ELP3: variants seen among roughly 807,000 people sequenced by gnomAD.
The protein encoded by ELP3 is elongator acetyltransferase complex subunit 3.
In ELP3, 56 loss-of-function variants were observed where a neutral mutation model predicts 74.9. That is an observed-to-expected ratio of 0.75 (90% CI 0.60 to 0.93). The LOEUF (loss-of-function observed/expected upper bound fraction) is 0.93. Ranked by LOEUF, ELP3 falls within the 40% of genes least tolerant of loss-of-function variation. ELP3 has a pLI of 0.00. For synonymous variants in ELP3, 222 were observed against 239.8 expected, an observed-to-expected ratio of 0.93 and a Z score of 0.68; for missense variants, 573 against 686.5, an observed-to-expected ratio of 0.83 and a Z score of 1.85.
chr8:28,100,615 T>TA (rs1365952227), intron 3 of ELP3, among the ~76,000 whole-genome samples: 28 of 152,202 alleles, frequency 1.8e-4, no homozygotes, highest in Non-Finnish European at 3.4e-4. Context: ...GATCAGCTTG[T>TA]AAAAATCTTA....
chr8:28,119,538 A>T (rs1441173389), intron 7 of ELP3, among the ~76,000 whole-genome samples: 3 of 125,628 alleles, frequency 2.4e-5, no homozygotes, highest in African/African-American at 9.1e-5. Context: ...TTTTGAAGTA[A>T]ATTTACATAC....
chr8:28,106,867 G>A, intron 4 of ELP3, 84 bp downstream of exon 4: 3 of 979,872 alleles, frequency 3.1e-6, no homozygotes, highest in Non-Finnish European at 4.7e-6. Context: ...AGTACATCCT[G>A]GTAATGTTTA....
In ELP3 at chr8:28,171,810, G is replaced by A. The variant is rs181591320; in HGVS notation, c.1567+9732G>A. On this transcript the variant is annotated intron_variant, in intron 14 of 14. Transcript: ENST00000256398. Reference sequence around the variant, plus strand: ...TTATAGCTCTCAAATTTAGATCTTTGACCTATTTTGAGTTCATTTTTGTAT... The same window carrying A: ...TTATAGCTCTCAAATTTAGATCTTTAACCTATTTTGAGTTCATTTTTGTAT... 2.1e-4 allele frequency among the ~76,000 whole-genome samples: 32 copies of A among 152,040 alleles called. 1 individual carries two copies. The East Asian group carries it at 5.2e-3, about 25-fold the overall frequency.
intron 7 of ELP3, among the ~76,000 whole-genome samples, chr8:28,115,198 G>A (rs1812076597): frequency 6.6e-6 from 1 of 152,122 alleles, no homozygotes; most frequent in South Asian, 2.1e-4. Context: ...TTCAAGTGGA[G>A]ATGTCGGTGG....
intron 10 of ELP3, among the ~76,000 whole-genome samples, chr8:28,146,555 C>T (rs1027730162): frequency 3.3e-5 from 5 of 152,192 alleles, no homozygotes; most frequent in Admixed American, 1.3e-4. Context: ...AATGGAGAAA[C>T]GTAAAAATAA....
At chr8:28,091,061 C>T (rs765695254), upstream of ELP3, among the ~76,000 whole-genome samples, 17 of 151,974 alleles carry the variant, frequency 1.1e-4, no homozygotes, top group Non-Finnish European at 1.9e-4. Context: ...GGCCCACCAC[C>T]ACGCCCGGCT....
At chr8:28,161,905 C>T in intron 13 of ELP3, 92 bp from the exon 14 acceptor site, 1 of 1,260,734 alleles carries the variant, frequency 7.9e-7, no homozygotes, top group South Asian at 1.3e-5. Flanking sequence ...ATTTTAGCAA[C>T]TACTAAAGTA....
chr8:28,100,920 TC>T (rs1811455393), intron 3 of ELP3, among the ~76,000 whole-genome samples: 1 of 152,186 alleles, frequency 6.6e-6, no homozygotes, highest in African/African-American at 2.4e-5. Flanking sequence ...CCTAATGTGA[TC>T]CCACAAGTTC....
intron 3 of ELP3, among the ~76,000 whole-genome samples, chr8:28,104,540 G>A (rs753787140): frequency 6.6e-6 from 1 of 152,186 alleles, no homozygotes; most frequent in Non-Finnish European, 1.5e-5. Flanking sequence ...TCTTTAGTCT[G>A]GACATTTCCT....
rs550126557 is a variant in ELP3, at chr8:28,169,226, G to A, written c.1567+7148G>A. On this transcript the variant is annotated intron_variant, in intron 14 of 14. Coordinates refer to ENST00000256398, the MANE Select transcript of ELP3 (RefSeq NM_018091.6). ...CCACATGCCCCAGATCTCTACCTGC[G>A]TGATCTGTTGCCTCACTGCAAATCC... is the stretch of plus-strand genomic sequence containing the variant. Among the ~76,000 whole-genome samples, 5 of 152,276 alleles carry A rather than the reference G, an allele frequency of 3.3e-5. No individual in the cohort carries two copies. The South Asian group carries it at 1.0e-3, about 32-fold the overall frequency.
chr8:28,113,307 G>C (rs1318178720), intron 7 of ELP3, 134 bp downstream of exon 7: 7 of 602,696 alleles, frequency 1.2e-5, no homozygotes, highest in Admixed American at 7.7e-5. Context: ...CATGGGAAAG[G>C]ATTATTTCAG....
At chr8:28,169,330 A>G (rs1467567067) in intron 14 of ELP3, among the ~76,000 whole-genome samples, 1 of 152,164 alleles carries the variant, frequency 6.6e-6, no homozygotes, top group East Asian at 1.9e-4. Context: ...CAACCCTCTT[A>G]TTTCCTTAAT....
intron 8 of ELP3, among the ~76,000 whole-genome samples, 155 bp downstream of exon 8, chr8:28,129,818 A>C (rs551449190): frequency 4.6e-5 from 7 of 152,080 alleles, no homozygotes; most frequent in Admixed American, 3.9e-4. Flanking sequence ...TGTGTTCTTA[A>C]TTCCATCCCC....
chr8:28,169,198 A>G (rs1814424145), intron 14 of ELP3, among the ~76,000 whole-genome samples: 1 of 152,218 alleles, frequency 6.6e-6, no homozygotes, highest in African/African-American at 2.4e-5. Context: ...TCAGTAAAGC[A>G]GTCCACATGC....
Position 28,166,023 on chromosome 8 carries a change from G to A in ELP3, c.1567+3945G>A, listed in dbSNP as rs1814293132. Among the ~76,000 whole-genome samples, 7 of 152,154 alleles carry A rather than the reference G, an allele frequency of 4.6e-5. No homozygotes were observed. In the South Asian group the frequency reaches 1.5e-3, roughly 32 times the overall value. ...AGGTTTATTCTGTTTTTTTCTTAGT[G>A]AACTGTGTTTTAAAGTGAACCATCA... On this transcript the variant is annotated intron_variant, in intron 14 of 14. Coordinates refer to ENST00000256398, the MANE Select transcript of ELP3 (RefSeq NM_018091.6).
At chr8:28,096,095 C>T (rs1489231203) in intron 1 of ELP3, among the ~76,000 whole-genome samples, 4 of 152,222 alleles carry the variant, frequency 2.6e-5, no homozygotes, top group African/African-American at 4.8e-5. Context: ...TGTTGTGAAC[C>T]GTGCATGTGG....
At chr8:28,107,448 C>G (rs1377386244) in intron 4 of ELP3, among the ~76,000 whole-genome samples, 8 of 152,052 alleles carry the variant, frequency 5.3e-5, no homozygotes. Flanking sequence ...GAATTTGGAT[C>G]AGAAACATAT....
At chr8:28,116,643 G>C (rs576787849) in intron 7 of ELP3, among the ~76,000 whole-genome samples, 1 of 152,242 alleles carries the variant, frequency 6.6e-6, no homozygotes, top group East Asian at 1.9e-4. Context: ...GGGAGGCCGA[G>C]GCACAGAAAC....
At chr8:28,094,691 G>A (rs558248250) in intron 1 of ELP3, among the ~76,000 whole-genome samples, 1 of 151,818 alleles carries the variant, frequency 6.6e-6, no homozygotes, top group Non-Finnish European at 1.5e-5. Context: ...GCAGTGAGCC[G>A]AGATCGCACC....
Sources: gnomAD v4.1 joint callset for allele counts (sites outside exome capture counted in the v4.1 genomes callset) on GRCh38, gnomAD v4.1.1 for gene constraint, MANE v1.5 for transcripts, NCBI Gene and HGNC (gene_info 2026-07-23, HGNC 2026-07-21) for gene names.